NAALADL2: variants seen among roughly 807,000 people sequenced by gnomAD.
The protein encoded by NAALADL2 is N-acetylated alpha-linked acidic dipeptidase like 2, also known as inactive N-acetylated-alpha-linked acidic dipeptidase-like protein 2.
Under a neutral mutation model 87.2 loss-of-function variants are expected in NAALADL2, and 76 were observed. The observed-to-expected ratio is 0.87, with a 90% confidence interval of 0.72 to 1.05. The LOEUF (loss-of-function observed/expected upper bound fraction) is 1.05, where lower values mean the gene tolerates loss of function less well. Among genes scored for constraint, NAALADL2 ranks in the 50% least tolerant of loss-of-function variants. The pLI is 0.00. For missense variants in NAALADL2, 1,089 were observed against 945.8 expected (o/e 1.15, Z -1.99); for synonymous variants, 354 against 331.0 (o/e 1.07, Z -0.75).
intron 11 of NAALADL2, among the ~76,000 whole-genome samples, chr3:175,668,509 G>A (rs970827370): frequency 7.2e-5 from 11 of 151,914 alleles, no homozygotes; most frequent in African/African-American, 2.7e-4. Context: ...TCTTGTGTAG[G>A]TGACCACAGA....
intron 3 of NAALADL2, among the ~76,000 whole-genome samples, chr3:174,741,294 A>G (rs760614225): frequency 3.5e-4 from 53 of 151,830 alleles, no homozygotes; most frequent in South Asian, 6.2e-4. Context: ...GAATTCACTC[A>G]TCATGAGATT....
At chr3:174,470,446 A>G (rs1716827972) in intron 1 of NAALADL2, among the ~76,000 whole-genome samples, 1 of 152,052 alleles carries the variant, frequency 6.6e-6, no homozygotes, top group South Asian at 2.1e-4. Context: ...CCCATTCTGT[A>G]GGTTGTCTGT....
intron 5 of NAALADL2, among the ~76,000 whole-genome samples, chr3:175,347,937 C>T (rs1763326226): frequency 6.6e-6 from 1 of 152,010 alleles, no homozygotes; most frequent in South Asian, 2.1e-4. Context: ...TCCCTGTGTC[C>T]ATGTGTTCTC....
intron 5 of NAALADL2, among the ~76,000 whole-genome samples, chr3:175,328,012 G>A (rs961391946): frequency 6.6e-6 from 1 of 152,224 alleles, no homozygotes; most frequent in Admixed American, 6.5e-5. Context: ...CTGCAGTTTT[G>A]TGAGAAAAGC....
intron 1 of NAALADL2, among the ~76,000 whole-genome samples, chr3:174,547,819 G>T (rs1711569270): frequency 6.6e-6 from 1 of 152,102 alleles, no homozygotes. Flanking sequence ...TAACATAATT[G>T]TGAGCATATT....
At chr3:174,972,888 C>T (rs1403002583) in intron 1 of NAALADL2, among the ~76,000 whole-genome samples, 3 of 150,268 alleles carry the variant, frequency 2.0e-5, no homozygotes, top group East Asian at 2.0e-4. Flanking sequence ...CCCAGCTAGT[C>T]GGGAGGCTGA....
chr3:175,204,712 A>G (rs1047355480), intron 2 of NAALADL2, among the ~76,000 whole-genome samples: 2 of 152,150 alleles, frequency 1.3e-5, no homozygotes, highest in African/African-American at 4.8e-5. Context: ...CTTCTCCAGA[A>G]AGCTCCTAGA....
intron 9 of NAALADL2, among the ~76,000 whole-genome samples, chr3:175,518,749 C>A (rs899012408): frequency 6.6e-6 from 1 of 152,186 alleles, no homozygotes; most frequent in African/African-American, 2.4e-5. Context: ...TAGATTAACC[C>A]ATTCATGAGG....
chr3:175,359,569 CTGTT>C (rs939134836), intron 5 of NAALADL2, among the ~76,000 whole-genome samples: 43 of 152,160 alleles, frequency 2.8e-4, no homozygotes, highest in African/African-American at 6.7e-4. Context: ...AAGTCATGAA[CTGTT>C]TGTTTGTACA....
intron 11 of NAALADL2, among the ~76,000 whole-genome samples, chr3:175,674,269 G>GT (rs1394547897): frequency 1.3e-3 from 172 of 131,462 alleles, no homozygotes; most frequent in African/African-American, 4.4e-3. Flanking sequence ...TGTTTGTTTT[G>GT]TTTTTTTTGA....
At chr3:175,366,061 A>G (rs1765521456) in intron 5 of NAALADL2, among the ~76,000 whole-genome samples, 1 of 103,234 alleles carries the variant, frequency 9.7e-6, no homozygotes, top group African/African-American at 3.8e-5. Context: ...TCCTGTGTCC[A>G]TGTGTTCTCA....
intron 1 of NAALADL2, among the ~76,000 whole-genome samples, chr3:174,935,225 T>C (rs1737520145): frequency 6.6e-6 from 1 of 152,166 alleles, no homozygotes; most frequent in African/African-American, 2.4e-5. Flanking sequence ...GTTCTTCCAA[T>C]GTGTGGCTCT....
intron 13 of NAALADL2, among the ~76,000 whole-genome samples, chr3:175,756,868 G>C (rs62286122): frequency 0.093 from 14,169 of 151,596 alleles, 705 homozygotes; most frequent in African/African-American, 0.12. Flanking sequence ...AATTCTATGA[G>C]ACACAACATA....
At chr3:175,273,855 C>G (rs62285945) in intron 4 of NAALADL2, among the ~76,000 whole-genome samples, 1 of 151,812 alleles carries the variant, frequency 6.6e-6, no homozygotes, top group Non-Finnish European at 1.5e-5. Flanking sequence ...TTCAAAGTAA[C>G]TTACAAAAGA....
At chr3:175,125,624 A>G (rs1726837226) in intron 2 of NAALADL2, among the ~76,000 whole-genome samples, 1 of 152,078 alleles carries the variant, frequency 6.6e-6, no homozygotes, top group South Asian at 2.1e-4. Context: ...TAAGTGGCTA[A>G]AAGAACATAC....
intron 1 of NAALADL2, among the ~76,000 whole-genome samples, chr3:175,085,972 G>T (rs994183071): frequency 1.3e-5 from 2 of 152,174 alleles, no homozygotes; most frequent in African/African-American, 4.8e-5. Flanking sequence ...TGTAAAGGAT[G>T]ATTGGAATGG....
At chr3:175,348,652 C>A (rs1257883516) in intron 5 of NAALADL2, among the ~76,000 whole-genome samples, 1 of 152,138 alleles carries the variant, frequency 6.6e-6, no homozygotes, top group Admixed American at 6.5e-5. Flanking sequence ...TCCATCTCCC[C>A]ATGGCTGTGT....
At chr3:174,920,081 A>G (rs1164811786) in intron 1 of NAALADL2, among the ~76,000 whole-genome samples, 8 of 152,194 alleles carry the variant, frequency 5.3e-5, no homozygotes, top group Admixed American at 5.2e-4. Context: ...CATTTTATAG[A>G]GTACATATAG....
chr3:175,256,355 T>C, intron 3 of NAALADL2, 56 bp from the exon 4 acceptor site: 1 of 1,511,480 alleles, frequency 6.6e-7, no homozygotes, highest in Non-Finnish European at 8.9e-7. Flanking sequence ...AATGGACAAT[T>C]GGCTATACTT....
Sources: gnomAD v4.1 joint callset for allele counts (sites outside exome capture counted in the v4.1 genomes callset) on GRCh38, gnomAD v4.1.1 for gene constraint, MANE v1.5 for transcripts, NCBI Gene and HGNC (gene_info 2026-07-23, HGNC 2026-07-21) for gene names.